AP3B1: variants seen among roughly 807,000 people sequenced by gnomAD.
AP3B1 encodes the protein adaptor related protein complex 3 subunit beta 1, also known as AP-3 complex subunit beta-1.
Under a neutral mutation model 132.5 loss-of-function variants are expected in AP3B1, and 61 were observed. The ratio of observed to expected loss-of-function variants is 0.46; its 90% confidence interval spans 0.37 to 0.57. The LOEUF is 0.57. Among genes scored for constraint, AP3B1 ranks in the 20% least tolerant of loss-of-function variants. The probability of loss-of-function intolerance (pLI) is 0.00; values close to 1 mark genes in which losing one functional copy is unlikely to be tolerated. For missense variants in AP3B1, 1,120 were observed against 1,289.4 expected (o/e 0.87, Z 2.01); for synonymous variants, 388 against 438.3 (o/e 0.89, Z 1.43).
intron 7 of AP3B1, among the ~76,000 whole-genome samples, chr5:78,189,831 C>T (rs1404655342): frequency 6.6e-6 from 1 of 150,476 alleles, no homozygotes; most frequent in African/African-American, 2.4e-5. Context: ...GATCACGCCA[C>T]TGCACTCCAG....
Position 78,193,770 on chromosome 5 carries a change from A to ATATATTTTTTTTTTT in AP3B1, c.787-12109_787-12108insAAAAAAAAAAATATA. Among the ~76,000 whole-genome samples the ATATATTTTTTTTTTT allele has an allele frequency of 6.2e-3, 417 of 67,068 alleles. 4 individuals are homozygous for ATATATTTTTTTTTTT. The highest frequency in any genetic ancestry group is 0.01 in the Non-Finnish European group (323 of 31,046). The allele number at this position is 67,068 out of a possible 152,430, so 44.0% of individuals were successfully genotyped here. On this transcript the variant is annotated intron_variant, in intron 7 of 26. Transcript: ENST00000255194. ...TATATATATATATATATATATATAT[A>ATATATTTTTTTTTTT]TTTTTTTTTTAGACAGAGTCTCGCT...
chr5:78,067,014 A>G lies in AP3B1; in HGVS notation c.2577+22379T>C, dbSNP rs144105074. 3.5e-3 allele frequency among the ~76,000 whole-genome samples: 530 copies of G among 152,338 alleles called. 2 individuals carry two copies. The highest frequency in any genetic ancestry group is 0.012 in the African/African-American group (507 of 41,574). On this transcript the variant is annotated intron_variant, in intron 22 of 26. Transcript: ENST00000255194. ...AAGAGAATGGAGGCCAATATTCAAC[A>G]TTCTTAAAGAAAAGAATTTCCAACC...
intron 11 of AP3B1, among the ~76,000 whole-genome samples, chr5:78,168,507 A>C (rs1176411912): frequency 6.6e-6 from 1 of 152,110 alleles, no homozygotes. Flanking sequence ...TATAGGCATG[A>C]ACCACTGCAT....
At chr5:78,197,354 C>T (rs1025227497) in intron 7 of AP3B1, among the ~76,000 whole-genome samples, 16 of 151,750 alleles carry the variant, frequency 1.1e-4, no homozygotes, top group African/African-American at 3.4e-4. Flanking sequence ...AAGAGACAAA[C>T]GTTGTTACAT....
intron 4 of AP3B1, 136 bp from the exon 5 acceptor site, chr5:78,227,668 C>T (rs1746454967): frequency 1.1e-5 from 9 of 798,558 alleles, no homozygotes; most frequent in Non-Finnish European, 1.6e-5. Flanking sequence ...TTAAAATGAA[C>T]AATTAGTATA....
At chr5:78,142,895 C>T (rs557089269) in intron 14 of AP3B1, among the ~76,000 whole-genome samples, 42 of 152,212 alleles carry the variant, frequency 2.8e-4, no homozygotes, top group Middle Eastern at 3.4e-3. Context: ...GAGGTTATTT[C>T]TAACGTTCCA....
At chr5:78,009,360 T>C (rs1487469241) in intron 26 of AP3B1, among the ~76,000 whole-genome samples, 1 of 151,466 alleles carries the variant, frequency 6.6e-6, no homozygotes, top group African/African-American at 2.4e-5. Context: ...CTCAGGAGGC[T>C]GAGACAAGAC....
chr5:78,034,505 A>C (rs766815091), intron 23 of AP3B1, 60 bp from the exon 24 acceptor site: 1 of 1,269,046 alleles, frequency 7.9e-7, no homozygotes, highest in Non-Finnish European at 1.2e-6. Flanking sequence ...AGGCAAACTA[A>C]ACACTGAAAA....
chr5:78,232,342 T>G (rs1044570382), intron 3 of AP3B1, among the ~76,000 whole-genome samples: 2 of 152,168 alleles, frequency 1.3e-5, no homozygotes, highest in African/African-American at 4.8e-5. Context: ...ATGAACAAGT[T>G]TTCTTGCTCA....
At chr5:78,220,078 G>T (rs1428343206) in intron 6 of AP3B1, among the ~76,000 whole-genome samples, 1 of 151,918 alleles carries the variant, frequency 6.6e-6, no homozygotes, top group African/African-American at 2.4e-5. Context: ...GTGGTGGGGG[G>T]CAGGGGAGAA....
intron 22 of AP3B1, among the ~76,000 whole-genome samples, chr5:78,080,725 G>A (rs1580320819): frequency 7.2e-6 from 1 of 138,554 alleles, no homozygotes. Flanking sequence ...TAAGCTTCCT[G>A]TTTTACAAAA....
chr5:78,036,024 T>C (rs1251679423), intron 23 of AP3B1, among the ~76,000 whole-genome samples: 1 of 152,136 alleles, frequency 6.6e-6, no homozygotes, highest in Non-Finnish European at 1.5e-5. Flanking sequence ...AATTCCGTCA[T>C]CTCCAAAACT....
intron 23 of AP3B1, among the ~76,000 whole-genome samples, chr5:78,035,275 A>G (rs1425075915): frequency 2.0e-5 from 3 of 151,970 alleles, no homozygotes; most frequent in Non-Finnish European, 4.4e-5. Flanking sequence ...AAATATGTAT[A>G]TATTTGTTTA....
chr5:78,294,368 C>T lies in AP3B1; in HGVS notation c.128+84G>A. ...CAGACCTCAGGGCGACCCCGCTCCT[C>T]TCCAGGAAGCCCACCCTGGCGCCCA... On this transcript the variant is annotated intron_variant, in intron 1 of 26. Coordinates refer to ENST00000255194, the MANE Select transcript of AP3B1 (RefSeq NM_003664.5). 8 of 1,603,450 alleles carry T rather than the reference C, an allele frequency of 5.0e-6. No homozygotes were observed. The South Asian group carries it at 7.7e-5, about 15-fold the overall frequency.
In AP3B1 at chr5:78,166,044, C is replaced by A. The variant is rs567059112; in HGVS notation, c.1168-372G>T. 1.1e-4 allele frequency among the ~76,000 whole-genome samples: 16 copies of A among 151,662 alleles called. No homozygotes were observed. In the South Asian group the frequency reaches 2.1e-3, roughly 20 times the overall value. ...AGTGAGCAGGAGAATTGCTGGAACCCAGGAGGCAGAGGTTGCAGTGAGCCG... is the reference window on the plus strand; with the variant it reads ...AGTGAGCAGGAGAATTGCTGGAACCAAGGAGGCAGAGGTTGCAGTGAGCCG... On this transcript the variant is annotated intron_variant, in intron 11 of 26. Coordinates refer to ENST00000255194, the MANE Select transcript of AP3B1 (RefSeq NM_003664.5).
downstream of AP3B1, chr5:78,001,970 A>C (rs1017451457): frequency 2.0e-5 from 3 of 152,258 alleles, no homozygotes; most frequent in African/African-American, 4.8e-5. Flanking sequence ...AAACATTTCT[A>C]TAAGTTTATG....
At chr5:78,089,648 CTTA>C in intron 21 of AP3B1, 149 bp from the exon 22 acceptor site, 1 of 683,260 alleles carries the variant, frequency 1.5e-6, no homozygotes, top group Non-Finnish European at 2.7e-6. Flanking sequence ...ATTTAGTCAA[CTTA>C]TTATCAAGTC....
At chr5:78,206,931 A>G (rs1410923349) in intron 7 of AP3B1, among the ~76,000 whole-genome samples, 1 of 152,046 alleles carries the variant, frequency 6.6e-6, no homozygotes, top group Non-Finnish European at 1.5e-5. Flanking sequence ...AGATCAGCCT[A>G]GCCAACATGG....
At chr5:78,260,564 A>T (rs1211862260) in intron 2 of AP3B1, among the ~76,000 whole-genome samples, 2 of 152,162 alleles carry the variant, frequency 1.3e-5, no homozygotes, top group African/African-American at 4.8e-5. Context: ...ACTGCACTCC[A>T]GCCTGGGCCA....
Sources: allele counts gnomAD v4.1 joint callset (sites outside exome capture counted in the v4.1 genomes callset), GRCh38; gene constraint gnomAD v4.1.1; transcripts MANE v1.5; gene names NCBI Gene and HGNC (gene_info 2026-07-23, HGNC 2026-07-21).